SERPINB9: variants seen among roughly 807,000 people sequenced by gnomAD.
SERPINB9 encodes serpin family B member 9, also known as serpin B9.
SERPINB9 carries 20 observed loss-of-function variants against 27.2 expected under a neutral mutation model. The observed-to-expected ratio is 0.74, with a 90% CI of 0.52 to 1.07. The LOEUF (loss-of-function observed/expected upper bound fraction) is 1.07. Among genes scored for constraint, SERPINB9 ranks in the 50% least tolerant of loss-of-function variants. The pLI is 0.00. For missense variants in SERPINB9, 476 were observed against 460.1 expected, an observed-to-expected ratio of 1.03 and a Z score of -0.32; for synonymous variants, 189 against 180.0, an observed-to-expected ratio of 1.05 and a Z score of -0.40.
chr6:2,897,312 G>A (rs577903650), intron 2 of SERPINB9, among the ~76,000 whole-genome samples: 3 of 151,966 alleles, frequency 2.0e-5, no homozygotes, highest in East Asian at 1.9e-4. Flanking sequence ...CTAAAAATAC[G>A]AAAATTAGCC....
rs897982400 is a variant in SERPINB9, at chr6:2,890,667, G to A, written c.724-97C>T. ...TCCCTTCCTCCCCTTGCACGTAGGT[G>A]TTGTTTGTTCACATAGGATCAGTGG... is the stretch of plus-strand genomic sequence containing the variant. On this transcript the variant is annotated intron_variant, in intron 6 of 6. Transcript: ENST00000380698. This position sits in a 1 kb window ranked among gnomAD's most constrained non-coding sequence, Gnocchi z 6.2. The A allele has an allele frequency of 1.2e-5, 15 of 1,227,614 alleles. No homozygotes were observed. The highest frequency in any genetic ancestry group is 8.6e-5 in the Admixed American group (4 of 46,336). The allele number at this position is 1,227,614 out of a possible 1,614,324, so 76.0% of individuals were successfully genotyped here.
rs201702932 is a variant in SERPINB9, at chr6:2,893,388, G to A, written c.567+23C>T. ...ATTCAACTTCTTCATCAAACTAGCA[G>A]GATTTTAAAAAGCTTCCCCCACCTG... On this transcript the variant is annotated intron_variant, in intron 5 of 6. Transcript: ENST00000380698. 5.7e-6 allele frequency: 9 copies of A among 1,591,170 alleles called. No homozygotes were observed. The East Asian group carries it at 1.6e-4, about 28-fold the overall frequency.
chr6:2,890,187 G>T lies in SERPINB9; in HGVS notation c.1107C>A (p.Phe369Leu). ...TTTATGGCGATGAGAACCTGCCACAGAACAGAATGCTGTTGGCTCTGTTGT... is the reference window on the plus strand; with the variant it reads ...TTTATGGCGATGAGAACCTGCCACATAACAGAATGCTGTTGGCTCTGTTGT... ...IRHNRANSIL[F>L]CGRFSSP The change falls in exon 7 of 7, where the codon TTC becomes TTA. Residue 369 changes from phenylalanine (F) to leucine (L), a missense_variant. By Grantham distance (22) the Phe-to-Leu change is conservative. Coordinates refer to ENST00000380698, the MANE Select transcript of SERPINB9 (RefSeq NM_004155.6). This position sits in a 1 kb window ranked among gnomAD's most constrained non-coding sequence, Gnocchi z 6.2. 6.2e-7 allele frequency: 1 copy of T among 1,614,068 alleles called. No homozygotes were observed.
chr6:2,898,799 G>A (rs1768092509), intron 2 of SERPINB9, among the ~76,000 whole-genome samples: 1 of 151,202 alleles, frequency 6.6e-6, no homozygotes, highest in Non-Finnish European at 1.5e-5. Context: ...GGGCGACAGA[G>A]CAAGACTCTG....
intron 2 of SERPINB9, among the ~76,000 whole-genome samples, chr6:2,898,828 G>A (rs913730195): frequency 2.7e-5 from 4 of 150,796 alleles, no homozygotes; most frequent in African/African-American, 9.7e-5. Context: ...AAAAAAAAAA[G>A]AAATAGGACT....
Position 2,891,194 on chromosome 6 carries a change from C to G in SERPINB9, c.724-624G>C, listed in dbSNP as rs1767789798. Among the ~76,000 whole-genome samples the G allele has an allele frequency of 6.6e-6, 1 of 152,194 alleles. No individual in the cohort carries two copies. The highest frequency in any genetic ancestry group is 2.4e-5 in the African/African-American group (1 of 41,436). ...GACTCTCTCACCCTGGAGATCCATG[C>G]TGAAAGGAAGCCGAGTGCCTGGATG... On this transcript the variant is annotated intron_variant, in intron 6 of 6. Transcript: ENST00000380698. The surrounding 1 kb of genome is among the most constrained non-coding windows in gnomAD (Gnocchi z 4.0).
At chr6:2,900,673 C>A (rs1395810783) in intron 1 of SERPINB9, 52 bp from the exon 2 acceptor site, 1 of 1,515,436 alleles carries the variant, frequency 6.6e-7, no homozygotes, top group African/African-American at 1.4e-5. Flanking sequence ...CTGAATGTTA[C>A]TGACCTACTT....
At position 2,891,709 on chromosome 6, in the gene SERPINB9, A is replaced by G; in HGVS notation, c.723+124T>C. Reference sequence around the variant, plus strand: ...TGAACAAAAGTTCGATCCCAACGCCAAGTGCCTGCACAGTGTGCGTCTGCC... The same window carrying G: ...TGAACAAAAGTTCGATCCCAACGCCGAGTGCCTGCACAGTGTGCGTCTGCC... On this transcript the variant is annotated intron_variant, in intron 6 of 6. Coordinates refer to ENST00000380698, the MANE Select transcript of SERPINB9 (RefSeq NM_004155.6). This position sits in a 1 kb window ranked among gnomAD's most constrained non-coding sequence, Gnocchi z 4.0. 1 of 1,125,788 alleles carries G rather than the reference A, an allele frequency of 8.9e-7. No individual in the cohort carries two copies. The highest frequency in any genetic ancestry group is 1.2e-6 in the Non-Finnish European group (1 of 816,030). The allele number at this position is 1,125,788 out of a possible 1,614,324, so 69.7% of individuals were successfully genotyped here.
At chr6:2,899,430 C>T (rs916520135) in intron 2 of SERPINB9, among the ~76,000 whole-genome samples, 21 of 152,190 alleles carry the variant, frequency 1.4e-4, no homozygotes, top group Non-Finnish European at 2.6e-4. Flanking sequence ...TACCCAGGAA[C>T]TCCCCATCCA....
chr6:2,902,071 C>T (rs1162576494), intron 1 of SERPINB9, among the ~76,000 whole-genome samples: 1 of 152,158 alleles, frequency 6.6e-6, no homozygotes. Flanking sequence ...CGGTGTCTTA[C>T]CCACCTGCCC....
chr6:2,890,626 C>A lies in SERPINB9; in HGVS notation c.724-56G>T. The A allele has an allele frequency of 6.7e-7, 1 of 1,489,424 alleles. No individual in the cohort carries two copies. Among genetic ancestry groups the A allele is most frequent in the Non-Finnish European group, 9.2e-7 (1 of 1,092,238 alleles). 92.3% of individuals were successfully genotyped at this position (1,489,424 alleles called of 1,614,324 possible). A position where few individuals can be genotyped will look rare whatever the true frequency, so the allele number is the denominator to read the frequency against. ...CGACTTCAGTGCACATGTACAAGCG[C>A]ACAGGCACTCACAGTTCCCTTCCTC... On this transcript the variant is annotated intron_variant, in intron 6 of 6. Coordinates refer to ENST00000380698, the MANE Select transcript of SERPINB9 (RefSeq NM_004155.6). This position sits in a 1 kb window ranked among gnomAD's most constrained non-coding sequence, Gnocchi z 6.2.
At position 2,891,128 on chromosome 6, in the gene SERPINB9, C is replaced by G. The variant is rs1200411288; in HGVS notation, c.724-558G>C. Among the ~76,000 whole-genome samples the G allele has an allele frequency of 6.6e-6, 1 of 152,192 alleles. No individual in the cohort carries two copies. Among genetic ancestry groups the G allele is most frequent in the African/African-American group, 2.4e-5 (1 of 41,442 alleles). ...CAATGGCTGCTGCGCACACAGACCT[C>G]TTAAGTCATGGGGTCCCACTGCCTG... On this transcript the variant is annotated intron_variant, in intron 6 of 6. Transcript: ENST00000380698. The surrounding 1 kb of genome is among the most constrained non-coding windows in gnomAD (Gnocchi z 4.0).
At chr6:2,892,715 T>A (rs1342426855) in intron 5 of SERPINB9, among the ~76,000 whole-genome samples, 2 of 152,314 alleles carry the variant, frequency 1.3e-5, no homozygotes, top group East Asian at 3.9e-4. Context: ...CTAATTTTTT[T>A]AAGTTAAAGT....
In SERPINB9 at chr6:2,891,101, G is replaced by A. The variant is rs1767785593; in HGVS notation, c.724-531C>T. ...TTTCAGGAAGGTGGGCAGAGGGAGA[G>A]CCAATGGCTGCTGCGCACACAGACC... On this transcript the variant is annotated intron_variant, in intron 6 of 6. Coordinates refer to ENST00000380698, the MANE Select transcript of SERPINB9 (RefSeq NM_004155.6). This position sits in a 1 kb window ranked among gnomAD's most constrained non-coding sequence, Gnocchi z 4.0. Among the ~76,000 whole-genome samples, 1 of 152,182 alleles carries A rather than the reference G, an allele frequency of 6.6e-6. No individual in the cohort carries two copies. Among genetic ancestry groups the A allele is most frequent in the Admixed American group, 6.5e-5 (1 of 15,284 alleles).
At chr6:2,892,134 A>C in intron 5 of SERPINB9, 146 bp from the exon 6 acceptor site, 2 of 741,462 alleles carry the variant, frequency 2.7e-6, no homozygotes, top group Non-Finnish European at 4.2e-6. Flanking sequence ...AAAAAAAAAA[A>C]AAGTCAACCA....
chr6:2,896,235 A>G (rs1434587882), intron 2 of SERPINB9, 45 bp from the exon 3 acceptor site: 3 of 1,590,348 alleles, frequency 1.9e-6, no homozygotes, highest in Non-Finnish European at 2.6e-6. Context: ...TAGCTCTTTG[A>G]TGGCTGGGGA....
At chr6:2,897,232 G>A (rs904309801) in intron 2 of SERPINB9, among the ~76,000 whole-genome samples, 3 of 152,108 alleles carry the variant, frequency 2.0e-5, no homozygotes, top group South Asian at 4.1e-4. Context: ...TTGGGGGGCC[G>A]AGGCGGGCAG....
intron 2 of SERPINB9, chr6:2,899,914 A>G: frequency 2.2e-6 from 1 of 456,644 alleles, no homozygotes; most frequent in South Asian, 1.5e-5. Context: ...TCATTTCCAC[A>G]GGTTCTCTGA....
chr6:2,901,095 C>G (rs1768186318), intron 1 of SERPINB9, among the ~76,000 whole-genome samples: 1 of 152,214 alleles, frequency 6.6e-6, no homozygotes, highest in Non-Finnish European at 1.5e-5. Context: ...AGCTGATACA[C>G]AAAAGACACT....
Sources: gnomAD v4.1 joint callset for allele counts (sites outside exome capture counted in the v4.1 genomes callset) on GRCh38, gnomAD v4.1.1 for gene constraint, Gnocchi (gnomAD v3.1) non-coding constraint, MANE v1.5 for transcripts, NCBI Gene and HGNC (gene_info 2026-07-23, HGNC 2026-07-21) for gene names.